The following COL22A1 variants were observed in gnomAD, a reference collection of about 807,000 sequenced individuals.
COL22A1 encodes the protein collagen alpha-1(XXII) chain.
In COL22A1, 221 loss-of-function variants were observed where a neutral mutation model predicts 248.9. The observed-to-expected ratio is 0.89, with a 90% confidence interval of 0.80 to 0.99. The LOEUF is 0.99. Among genes scored for constraint, COL22A1 ranks in the 50% least tolerant of loss-of-function variants. The pLI, the probability that COL22A1 is intolerant of heterozygous loss-of-function variation, is 0.00. For synonymous variants in COL22A1, 891 were observed against 793.4 expected (o/e 1.12, Z -2.07); for missense variants, 2,240 against 2,179.0 (o/e 1.03, Z -0.56).
Position 138,658,531 on chromosome 8 carries a change from A to G in COL22A1, c.3285+1905T>C, listed in dbSNP as rs117921551. ...GCTTCCATGGTTGCAACACTTTGTG[A>G]GTATTGTCACACACCGTGACTTGGA... On this transcript the variant is annotated intron_variant, in intron 44 of 64. Coordinates refer to ENST00000303045, the MANE Select transcript of COL22A1 (RefSeq NM_152888.3). Among the ~76,000 whole-genome samples, 1,030 of 152,276 alleles carry G rather than the reference A, an allele frequency of 6.8e-3. 4 individuals are homozygous for G. Among genetic ancestry groups the G allele is most frequent in the Non-Finnish European group, 0.011 (753 of 68,022 alleles).
At chr8:138,708,329 G>A (rs989722337) in intron 30 of COL22A1, among the ~76,000 whole-genome samples, 3 of 152,158 alleles carry the variant, frequency 2.0e-5, no homozygotes, top group Admixed American at 2.0e-4. Context: ...ACTTTGCCAA[G>A]ACAATCCTAA....
chr8:138,832,100 G>A (rs1417596762), intron 5 of COL22A1, among the ~76,000 whole-genome samples: 3 of 152,056 alleles, frequency 2.0e-5, no homozygotes, highest in Non-Finnish European at 2.9e-5. Context: ...TCCCATCAGC[G>A]CCATGACAGT....
At chr8:138,725,493 AG>A (rs1830231763) in intron 23 of COL22A1, 53 bp from the exon 24 acceptor site, 3 of 1,489,444 alleles carry the variant, frequency 2.0e-6, no homozygotes, top group African/African-American at 2.8e-5. Flanking sequence ...TGAGCCTCCT[AG>A]GGACAGTGGG....
rs146670099 is a variant in COL22A1, at chr8:138,901,358, G to GTTTTTTTT, written c.-73+12253_-73+12260dup. Among the ~76,000 whole-genome samples the GTTTTTTTT allele has an allele frequency of 1.0e-3, 136 of 131,474 alleles. 3 individuals carry two copies. The highest frequency in any genetic ancestry group is 3.6e-3 in the African/African-American group (127 of 35,586). The allele number at this position is 131,474 out of a possible 152,430, so 86.3% of individuals were successfully genotyped here. A position where few individuals can be genotyped will look rare whatever the true frequency, so the allele number is the denominator to read the frequency against. On this transcript the variant is annotated intron_variant, in intron 1 of 64. Coordinates refer to ENST00000303045, the MANE Select transcript of COL22A1 (RefSeq NM_152888.3). ...CCTCAGATCCACTCATTACTGGCAG[G>GTTTTTTTT]TTTTTTTTTTGTTTTTTTTTTTTTT...
At chr8:138,716,203 GA>G in intron 29 of COL22A1, 23 bp downstream of exon 29, 3 of 1,560,406 alleles carry the variant, frequency 1.9e-6, no homozygotes, top group Non-Finnish European at 2.6e-6. Context: ...TCCTGTGTGG[GA>G]GGAAGGAAGC....
intron 2 of COL22A1, 79 bp downstream of exon 2, chr8:138,883,003 A>C (rs1056799321): frequency 1.6e-6 from 2 of 1,276,360 alleles, no homozygotes; most frequent in Non-Finnish European, 2.2e-6. Context: ...TTGCATGCAC[A>C]CACCACAGCC....
intron 6 of COL22A1, among the ~76,000 whole-genome samples, chr8:138,823,530 C>G (rs929776992): frequency 7.2e-5 from 11 of 152,134 alleles, no homozygotes; most frequent in African/African-American, 2.7e-4. Context: ...TTCAGCCTCC[C>G]GAGTAGCTGG....
At chr8:138,717,742 A>G (rs1348892652) in intron 27 of COL22A1, among the ~76,000 whole-genome samples, 1 of 152,224 alleles carries the variant, frequency 6.6e-6, no homozygotes, top group African/African-American at 2.4e-5. Context: ...GAAGTGGGGA[A>G]CACAGGGCCA....
intron 10 of COL22A1, among the ~76,000 whole-genome samples, chr8:138,803,448 C>A (rs1331598026): frequency 6.6e-6 from 1 of 152,096 alleles, no homozygotes; most frequent in Non-Finnish European, 1.5e-5. Context: ...CAGACGAGAT[C>A]GGGCATGGCA....
rs981525641 is a variant in COL22A1 at position 138,821,176 on chromosome 8, G to C, written c.1205C>G (p.Thr402Ser). Reference sequence around the variant, plus strand: ...GTCGTAGAGGCGCTTGCCAATCACAGTCTTGCCCTGGATGTCAATGTTCTC... The same window carrying C: ...GTCGTAGAGGCGCTTGCCAATCACACTCTTGCCCTGGATGTCAATGTTCTC... ...ERENIDIQGK[T>S]VIGKRLYDSV... The change falls in exon 7 of 65, where the codon ACT becomes AGT. Residue 402 changes from threonine (T) to serine (S), a missense_variant. Transcript: ENST00000303045. 1.9e-6 allele frequency: 3 copies of C among 1,614,126 alleles called. No individual in the cohort carries two copies. Among genetic ancestry groups the C allele is most frequent in the Admixed American group, 1.7e-5 (1 of 60,014 alleles).
At chr8:138,632,453 T>C (rs1820804039) in intron 49 of COL22A1, among the ~76,000 whole-genome samples, 1 of 152,150 alleles carries the variant, frequency 6.6e-6, no homozygotes, top group East Asian at 1.9e-4. Context: ...GTGTCTATTG[T>C]CCACCCACAA....
At chr8:138,757,119 G>A (rs909854398) in intron 18 of COL22A1, among the ~76,000 whole-genome samples, 3 of 152,140 alleles carry the variant, frequency 2.0e-5, no homozygotes, top group Admixed American at 1.3e-4. Flanking sequence ...TATAGCCCCT[G>A]CAGGCACTTC....
intron 3 of COL22A1, among the ~76,000 whole-genome samples, chr8:138,850,647 C>A (rs1415396030): frequency 6.6e-6 from 1 of 152,222 alleles, no homozygotes; most frequent in Non-Finnish European, 1.5e-5. Context: ...CAAGTGTGAG[C>A]TGTGCACCAG....
At position 138,806,076 on chromosome 8, in the gene COL22A1, TG is replaced by T. The variant is rs1461084369; in HGVS notation, c.1494+1691del. Among the ~76,000 whole-genome samples the T allele has an allele frequency of 5.9e-4, 19 of 32,248 alleles. 1 individual carries two copies. The highest frequency in any genetic ancestry group is 3.7e-3 in the South Asian group (3 of 816). The allele number at this position is 32,248 out of a possible 152,430, so 21.2% of individuals were successfully genotyped here. On this transcript the variant is annotated intron_variant, in intron 10 of 64. Coordinates refer to ENST00000303045, the MANE Select transcript of COL22A1 (RefSeq NM_152888.3). ...TAATGGTGTGTGGTGGTGTGTGTGATGGTGTGTGTAATGGTGTGTGATGGTG... is the reference window on the plus strand; with the variant it reads ...TAATGGTGTGTGGTGGTGTGTGTGATGTGTGTGTAATGGTGTGTGATGGTG...
At chr8:138,777,555 T>C (rs1420654958) in intron 15 of COL22A1, among the ~76,000 whole-genome samples, 1 of 152,202 alleles carries the variant, frequency 6.6e-6, no homozygotes, top group Admixed American at 6.5e-5. Flanking sequence ...TGTGTGATGT[T>C]CCTCTCCCTG....
chr8:138,813,133 C>T (rs1257031824), intron 7 of COL22A1, 114 bp from the exon 8 acceptor site: 1 of 764,698 alleles, frequency 1.3e-6, no homozygotes, highest in Non-Finnish European at 2.3e-6. Flanking sequence ...TCTTTGGGGT[C>T]TTCCTGAGTC....
At chr8:138,810,936 C>A (rs890055301) in intron 9 of COL22A1, among the ~76,000 whole-genome samples, 1 of 152,196 alleles carries the variant, frequency 6.6e-6, no homozygotes, top group African/African-American at 2.4e-5. Flanking sequence ...CTGAGAGGAA[C>A]AGATAGAGAG....
At chr8:138,702,583 A>G (rs1024208032) in intron 31 of COL22A1, among the ~76,000 whole-genome samples, 1 of 151,736 alleles carries the variant, frequency 6.6e-6, no homozygotes, top group Non-Finnish European at 1.5e-5. Flanking sequence ...AAAACAGAGG[A>G]TCTCAAGATG....
chr8:138,660,819 TACACACACATACACACACAGACAC>T lies in COL22A1; in HGVS notation c.3241-363_3241-340del, dbSNP rs1823773662. ...AGACACACAGACACACATACACACA[TACACACACATACACACACAGACAC>T]ACACACACATACACAGACACACAAA... On this transcript the variant is annotated intron_variant, in intron 43 of 64. Coordinates refer to ENST00000303045, the MANE Select transcript of COL22A1 (RefSeq NM_152888.3). 4.5e-5 allele frequency among the ~76,000 whole-genome samples: 6 copies of T among 133,668 alleles called. No homozygotes were observed. In the South Asian group the frequency reaches 1.4e-3, roughly 31 times the overall value. The allele number at this position is 133,668 out of a possible 152,430, so 87.7% of individuals were successfully genotyped here. A position where few individuals can be genotyped will look rare whatever the true frequency, so the allele number is the denominator to read the frequency against.
Sources: gnomAD v4.1 joint callset for allele counts (sites outside exome capture counted in the v4.1 genomes callset) on GRCh38, gnomAD v4.1.1 for gene constraint, MANE v1.5 for transcripts, NCBI Gene and HGNC (gene_info 2026-07-23, HGNC 2026-07-21) for gene names.